The following GRAMD4 variants were observed in gnomAD, a reference collection of about 807,000 sequenced individuals.
The protein encoded by GRAMD4 is GRAM domain-containing protein 4.
Under a neutral mutation model 83.9 loss-of-function variants are expected in GRAMD4, and 25 were observed. The observed-to-expected ratio is 0.30, with a 90% confidence interval of 0.22 to 0.42. The LOEUF (loss-of-function observed/expected upper bound fraction) is 0.42. Among genes scored for constraint, GRAMD4 ranks in the 10% least tolerant of loss-of-function variants. GRAMD4 has a pLI of 1.00. For missense variants in GRAMD4, 593 were observed against 788.7 expected, an observed-to-expected ratio of 0.75 and a Z score of 2.97; for synonymous variants, 336 against 320.9, an observed-to-expected ratio of 1.05 and a Z score of -0.50.
chr22:46,579,635 G>A (rs1485708964), intron 1 of GRAMD4, among the ~76,000 whole-genome samples: 1 of 152,188 alleles, frequency 6.6e-6, no homozygotes, highest in African/African-American at 2.4e-5. Flanking sequence ...ATCTGTGTTA[G>A]TGATTGTGCC....
At chr22:46,616,415 TAGGTTCCCCCGTGA>T (rs1569262715), upstream of GRAMD4, among the ~76,000 whole-genome samples, 2 of 107,642 alleles carry the variant, frequency 1.9e-5, 1 homozygote, top group African/African-American at 7.5e-5. Context: ...CCTGTGCGTG[TAGGTTCCCCCGTGA>T]GTAGGTTCCC....
Position 46,671,402 on chromosome 22 carries a change from G to A in GRAMD4, c.1085-1441G>A, listed in dbSNP as rs531682947. Among the ~76,000 whole-genome samples, 215 of 152,316 alleles carry A rather than the reference G, an allele frequency of 1.4e-3. 1 individual carries two copies. Among genetic ancestry groups the A allele is most frequent in the Admixed American group, 2.5e-3 (39 of 15,300 alleles). On this transcript the variant is annotated intron_variant, in intron 13 of 18. Transcript: ENST00000406902. ...TACCAAAAATACAAAATGTAGCCGC[G>A]TGTGGAGCTTGCAGTGAGCTGAGAT...
At chr22:46,648,173 A>C (rs1379600238) in intron 3 of GRAMD4, among the ~76,000 whole-genome samples, 3 of 150,656 alleles carry the variant, frequency 2.0e-5, no homozygotes, top group East Asian at 2.0e-4. Flanking sequence ...TGGATGGATA[A>C]ATGGATGGAT....
At chr22:46,606,841 G>A (rs557296126) in intron 1 of GRAMD4, among the ~76,000 whole-genome samples, 1 of 152,394 alleles carries the variant, frequency 6.6e-6, no homozygotes, top group Admixed American at 6.5e-5. Flanking sequence ...GGGTGTGCCA[G>A]TATCTCTTTG....
chr22:46,625,483 TCTC>T (rs1184783115), intron 1 of GRAMD4, among the ~76,000 whole-genome samples: 4 of 152,234 alleles, frequency 2.6e-5, no homozygotes, highest in Admixed American at 2.6e-4. Flanking sequence ...CCCCGCCCCA[TCTC>T]CTTGCTCCTG....
At chr22:46,613,976 C>T (rs1477721311) in intron 1 of GRAMD4, among the ~76,000 whole-genome samples, 4 of 152,204 alleles carry the variant, frequency 2.6e-5, no homozygotes, top group South Asian at 2.1e-4. Flanking sequence ...GTCATGGCCG[C>T]GGCTGCAGCA....
intron 1 of GRAMD4, among the ~76,000 whole-genome samples, chr22:46,595,534 A>G (rs775398050): frequency 6.6e-5 from 10 of 152,184 alleles, no homozygotes; most frequent in Non-Finnish European, 1.0e-4. Flanking sequence ...AGGATTCCAC[A>G]TTTTGAGAGA....
At chr22:46,630,731 G>A (rs1041645182) in intron 2 of GRAMD4, among the ~76,000 whole-genome samples, 1 of 152,264 alleles carries the variant, frequency 6.6e-6, no homozygotes, top group East Asian at 1.9e-4. Context: ...AGGGATCGCA[G>A]GTGCTTGTGG....
At chr22:46,661,055 C>T (rs2082319258) in intron 4 of GRAMD4, among the ~76,000 whole-genome samples, 1 of 152,214 alleles carries the variant, frequency 6.6e-6, no homozygotes, top group Non-Finnish European at 1.5e-5. Flanking sequence ...AGTATCTTTT[C>T]ATTAGCAGAC....
chr22:46,638,087 A>C (rs2081918259), intron 3 of GRAMD4, 127 bp downstream of exon 3: 1 of 970,976 alleles, frequency 1.0e-6, no homozygotes, highest in Admixed American at 2.1e-5. Flanking sequence ...GCTGGACACG[A>C]GCCCTGGGCA....
At position 46,673,896 on chromosome 22, in the gene GRAMD4, C is replaced by G. The variant is rs544002048; in HGVS notation, c.1384+82C>G. 8 of 1,481,264 alleles carry G rather than the reference C, an allele frequency of 5.4e-6. 1 individual carries two copies. In the African/African-American group the frequency reaches 6.9e-5, roughly 13 times the overall value. The allele number at this position is 1,481,264 out of a possible 1,614,324, so 91.8% of individuals were successfully genotyped here. On this transcript the variant is annotated intron_variant, in intron 15 of 18. Transcript: ENST00000406902. The stretch of plus-strand genomic sequence containing the variant: ...TGAGGGGGGCGCTGTGGATGCAGGA[C>G]GGGGTCGCCCTGTGACAGGCCAGAG...
chr22:46,592,167 C>A (rs1569248424), intron 1 of GRAMD4, among the ~76,000 whole-genome samples: 1 of 152,206 alleles, frequency 6.6e-6, no homozygotes, highest in Non-Finnish European at 1.5e-5. Flanking sequence ...GGGGGACAGT[C>A]CCCATAGGGT....
At chr22:46,590,122 C>G (rs2081192586) in intron 1 of GRAMD4, among the ~76,000 whole-genome samples, 1 of 152,212 alleles carries the variant, frequency 6.6e-6, no homozygotes, top group African/African-American at 2.4e-5. Flanking sequence ...GTCAGGAGAG[C>G]CTTGGCCTGG....
At chr22:46,594,414 A>G (rs1013106967) in intron 1 of GRAMD4, among the ~76,000 whole-genome samples, 10 of 152,152 alleles carry the variant, frequency 6.6e-5, no homozygotes, top group African/African-American at 2.2e-4. Flanking sequence ...CAGGAATGCA[A>G]GCACATGGGT....
At chr22:46,645,426 G>A (rs773562593) in intron 3 of GRAMD4, among the ~76,000 whole-genome samples, 21 of 152,182 alleles carry the variant, frequency 1.4e-4, no homozygotes, top group Non-Finnish European at 3.1e-4. Flanking sequence ...GTGCTGACAT[G>A]GAGAGCTGTG....
Position 46,592,639 on chromosome 22 carries a change from C to T in GRAMD4, c.-50+15349C>T, listed in dbSNP as rs373847722. Among the ~76,000 whole-genome samples the T allele has an allele frequency of 1.3e-3, 205 of 152,290 alleles. 1 individual carries two copies. Among genetic ancestry groups the T allele is most frequent in the African/African-American group, 3.7e-3 (155 of 41,550 alleles). On this transcript the variant is annotated intron_variant, in intron 1 of 1. Transcript: ENST00000431155. ...ACCACATCCTCTACGCCTGCAGAAGCAAAATTTCTCTCCCGAGAGTCTTGG... is the reference window on the plus strand; with the variant it reads ...ACCACATCCTCTACGCCTGCAGAAGTAAAATTTCTCTCCCGAGAGTCTTGG...
intron 3 of GRAMD4, among the ~76,000 whole-genome samples, chr22:46,655,574 C>T (rs2082231088): frequency 1.3e-5 from 2 of 152,150 alleles, no homozygotes; most frequent in Admixed American, 1.3e-4. Flanking sequence ...GCACTGCTCC[C>T]CTCTGCTGTA....
chr22:46,653,964 G>T (rs1052227337), intron 3 of GRAMD4, among the ~76,000 whole-genome samples: 3 of 152,316 alleles, frequency 2.0e-5, no homozygotes, highest in African/African-American at 7.2e-5. Context: ...ACACCCCGTG[G>T]CTCTCTCTGA....
chr22:46,607,630 C>T (rs888959537), intron 1 of GRAMD4, among the ~76,000 whole-genome samples: 2 of 152,196 alleles, frequency 1.3e-5, no homozygotes, highest in South Asian at 2.1e-4. Context: ...CTCCGCTGCC[C>T]GCACCAGTCC....
Sources: gnomAD v4.1 joint callset for allele counts (sites outside exome capture counted in the v4.1 genomes callset) on GRCh38, gnomAD v4.1.1 for gene constraint, MANE v1.5 for transcripts, NCBI Gene and HGNC (gene_info 2026-07-23, HGNC 2026-07-21) for gene names.